DIAPH3: variants seen among roughly 807,000 people sequenced by gnomAD.
The protein encoded by DIAPH3 is diaphanous related formin 3.
In DIAPH3, 117 loss-of-function variants were observed where a neutral mutation model predicts 144.3. The observed-to-expected ratio is 0.81, with a 90% CI of 0.70 to 0.95. DIAPH3 has a LOEUF of 0.95. DIAPH3 is among the 40% of genes least tolerant of loss of function. The pLI is 0.00. For synonymous variants in DIAPH3, 519 were observed against 488.9 expected, an observed-to-expected ratio of 1.06 and a Z score of -0.81; for missense variants, 1,421 against 1,412.7, an observed-to-expected ratio of 1.01 and a Z score of -0.09.
At chr13:59,947,546 G>A (rs1408849669) in intron 17 of DIAPH3, among the ~76,000 whole-genome samples, 1 of 152,016 alleles carries the variant, frequency 6.6e-6, no homozygotes, top group East Asian at 1.9e-4. Context: ...GAGAGGAGGA[G>A]GAAGAGAAGA....
chr13:59,826,221 G>A (rs781501525), intron 24 of DIAPH3, among the ~76,000 whole-genome samples: 6,137 of 135,142 alleles, frequency 0.045, 246 homozygotes, highest in South Asian at 0.12. Flanking sequence ...TATTCAATTA[G>A]GAAAAGAGGA....
At position 60,058,023 on chromosome 13, in the gene DIAPH3, C is replaced by CA. The variant is rs567766097; in HGVS notation, c.496-15204dup. ...AGTGAGACCCCAAAAGCAAATGCAA[C>CA]AAAAAACAAAAAATAAATGGAACCT... On this transcript the variant is annotated intron_variant, in intron 4 of 27. Transcript: ENST00000400324. 2.9e-4 allele frequency among the ~76,000 whole-genome samples: 44 copies of CA among 151,350 alleles called. 3 individuals are homozygous for CA. In the South Asian group the frequency reaches 7.1e-3, roughly 24 times the overall value.
At chr13:59,774,050 G>T in intron 27 of DIAPH3, 139 bp downstream of exon 27, 1 of 830,856 alleles carries the variant, frequency 1.2e-6, no homozygotes, top group Non-Finnish European at 1.9e-6. Context: ...CAATCTCATA[G>T]CAAATATGTA....
chr13:60,137,349 T>C (rs2059310934), intron 1 of DIAPH3, among the ~76,000 whole-genome samples: 1 of 152,132 alleles, frequency 6.6e-6, no homozygotes, highest in Admixed American at 6.5e-5. Flanking sequence ...AAAAAATGGA[T>C]TTAGAGCTTT....
At chr13:59,993,958 T>C (rs1359014461) in intron 9 of DIAPH3, among the ~76,000 whole-genome samples, 1 of 151,526 alleles carries the variant, frequency 6.6e-6, no homozygotes, top group African/African-American at 2.4e-5. Context: ...AAAACACAAA[T>C]TACAGATAAC....
intron 5 of DIAPH3, among the ~76,000 whole-genome samples, chr13:60,039,310 C>CT (rs35036139): frequency 0.56 from 82,577 of 147,146 alleles, 23,455 homozygotes; most frequent in African/African-American, 0.61. Context: ...ATTTCTTTCT[C>CT]TTTTTTTTTT....
chr13:59,929,751 A>T, intron 17 of DIAPH3, among the ~76,000 whole-genome samples: 2 of 148,118 alleles, frequency 1.4e-5, no homozygotes. Context: ...TTTTTTTTTT[A>T]GTAGAGACAG....
At chr13:59,688,960 G>T (rs1326012430) in intron 27 of DIAPH3, among the ~76,000 whole-genome samples, 1 of 152,060 alleles carries the variant, frequency 6.6e-6, no homozygotes, top group African/African-American at 2.4e-5. Context: ...TCACATAGAA[G>T]ATGTTTATGT....
intron 4 of DIAPH3, among the ~76,000 whole-genome samples, chr13:60,088,116 T>C (rs1338800238): frequency 6.6e-6 from 1 of 152,110 alleles, no homozygotes; most frequent in Non-Finnish European, 1.5e-5. Context: ...AGCAGTCCAG[T>C]TGTAATCTGT....
In DIAPH3 at chr13:59,818,871, C is replaced by T. The variant is rs895405590; in HGVS notation, c.3028-7948G>A. Among the ~76,000 whole-genome samples the T allele has an allele frequency of 8.6e-5, 13 of 151,956 alleles. No individual in the cohort carries two copies. The South Asian group carries it at 2.3e-3, about 27-fold the overall frequency. The stretch of plus-strand genomic sequence containing the variant: ...CAACCACCACACTTCCATTTCCATA[C>T]ATTCTATTTGCTTTTTTCAAAACTG... On this transcript the variant is annotated intron_variant, in intron 24 of 27. Transcript: ENST00000400324.
At chr13:60,141,230 ATT>A (rs1390958590) in intron 1 of DIAPH3, among the ~76,000 whole-genome samples, 1 of 152,230 alleles carries the variant, frequency 6.6e-6, no homozygotes, top group Non-Finnish European at 1.5e-5. Context: ...TTACTAGATA[ATT>A]CCTTAATGTA....
At chr13:59,944,012 G>A (rs2048677196) in intron 17 of DIAPH3, among the ~76,000 whole-genome samples, 1 of 152,064 alleles carries the variant, frequency 6.6e-6, no homozygotes, top group Non-Finnish European at 1.5e-5. Context: ...AGGAGTTCAA[G>A]ACCAGCCTGG....
chr13:60,045,404 C>T (rs565100424), intron 4 of DIAPH3, among the ~76,000 whole-genome samples: 43 of 151,944 alleles, frequency 2.8e-4, no homozygotes, highest in African/African-American at 7.5e-4. Context: ...ATTAGCAGCG[C>T]GAGAAAAAAC....
intron 22 of DIAPH3, among the ~76,000 whole-genome samples, chr13:59,847,257 T>C (rs2042695720): frequency 6.6e-6 from 1 of 152,196 alleles, no homozygotes; most frequent in Admixed American, 6.5e-5. Context: ...TACTATACTG[T>C]ATGCAATGAT....
At chr13:59,732,261 T>C (rs1343913742) in intron 27 of DIAPH3, among the ~76,000 whole-genome samples, 3 of 144,386 alleles carry the variant, frequency 2.1e-5, no homozygotes, top group Non-Finnish European at 4.6e-5. Flanking sequence ...AGTCTATCTA[T>C]ATTCTTCTCA....
Position 59,970,868 on chromosome 13 carries a change from C to T in DIAPH3, c.1943G>A (p.Arg648Lys), listed in dbSNP as rs2050324556. ...TTCTTTTACCTTTAACCAATTCAAT[C>T]TTCTCATGCTGATTTCAGGTTTAAA... is the stretch of plus-strand genomic sequence containing the variant. ...KEFKPEISMR[R>K]LNWLKIRPHE... The change falls in exon 16 of 28, where the codon AGA becomes AAA. Residue 648 changes from arginine (R) to lysine (K), a missense_variant. Coordinates refer to ENST00000400324, the MANE Select transcript of DIAPH3 (RefSeq NM_001042517.2). The T allele has an allele frequency of 6.2e-7, 1 of 1,612,732 alleles. No individual in the cohort carries two copies. The highest frequency in any genetic ancestry group is 2.2e-5 in the East Asian group (1 of 44,830).
At chr13:60,145,842 C>T (rs1414884660) in intron 1 of DIAPH3, among the ~76,000 whole-genome samples, 2 of 151,360 alleles carry the variant, frequency 1.3e-5, no homozygotes, top group African/African-American at 4.9e-5. Flanking sequence ...GGGTATATAC[C>T]ACAAACCTTA....
chr13:60,067,124 A>G (rs1317826065), intron 4 of DIAPH3, among the ~76,000 whole-genome samples: 2 of 152,128 alleles, frequency 1.3e-5, no homozygotes, highest in Non-Finnish European at 2.9e-5. Context: ...TACAAAAAAT[A>G]AAAATGAAAC....
At chr13:60,132,085 T>C (rs1720702708) in intron 2 of DIAPH3, among the ~76,000 whole-genome samples, 1 of 152,238 alleles carries the variant, frequency 6.6e-6, no homozygotes, top group African/African-American at 2.4e-5. Flanking sequence ...ATGCTTTTCT[T>C]AGGTACTATT....
Sources: allele counts gnomAD v4.1 joint callset (sites outside exome capture counted in the v4.1 genomes callset), GRCh38; gene constraint gnomAD v4.1.1; transcripts MANE v1.5; gene names NCBI Gene and HGNC (gene_info 2026-07-23, HGNC 2026-07-21).